Variants in KCTD10 observed in about 807,000 individuals in gnomAD.
KCTD10 encodes potassium channel tetramerization domain containing 10, also known as BTB/POZ domain-containing adapter for CUL3-mediated RhoA degradation protein 3.
Under a neutral mutation model 34.6 loss-of-function variants are expected in KCTD10, and 13 were observed. That is an observed-to-expected ratio of 0.38 (90% CI 0.24 to 0.60). The LOEUF is 0.60. Ranked by LOEUF, KCTD10 falls within the 20% of genes least tolerant of loss-of-function variation. KCTD10 has a pLI of 0.66. For synonymous variants in KCTD10, 156 were observed against 168.8 expected (o/e 0.92, Z 0.59); for missense variants, 256 against 420.3 (o/e 0.61, Z 3.42).
In KCTD10 at chr12:109,451,473, T is replaced by C; in HGVS notation, c.*122A>G. 1.1e-6 allele frequency: 1 copy of C among 937,582 alleles called. No homozygotes were observed. The highest frequency in any genetic ancestry group is 1.6e-6 in the Non-Finnish European group (1 of 632,182). 58.1% of individuals were successfully genotyped at this position (937,582 alleles called of 1,614,324 possible). Reference sequence around the variant, plus strand: ...AATACCAAAATAATCATCTGGCTTGTTACAAAAGTATCTCCAGGCTCCAAG... The same window carrying C: ...AATACCAAAATAATCATCTGGCTTGCTACAAAAGTATCTCCAGGCTCCAAG... On this transcript the variant is annotated 3_prime_UTR_variant, in exon 7 of 7. Transcript: ENST00000228495. This position sits in a 1 kb window ranked among gnomAD's most constrained non-coding sequence, Gnocchi z 5.0.
chr12:109,461,882 G>A (rs1202444930), intron 2 of KCTD10, among the ~76,000 whole-genome samples: 1 of 152,370 alleles, frequency 6.6e-6, no homozygotes, highest in East Asian at 1.9e-4. Context: ...GCGCAGGGCC[G>A]TGAGAAGGCT....
Position 109,451,551 on chromosome 12 carries a change from G to T in KCTD10, c.*44C>A. On this transcript the variant is annotated 3_prime_UTR_variant, in exon 7 of 7. Coordinates refer to ENST00000228495, the MANE Select transcript of KCTD10 (RefSeq NM_031954.5). This position sits in a 1 kb window ranked among gnomAD's most constrained non-coding sequence, Gnocchi z 5.0. ...ACAGGATCTGGGTGTAGCACGGCAG[G>T]GAGTGGGGGCGGTGAGAGGAGGGCG... 3 of 1,550,780 alleles carry T rather than the reference G, an allele frequency of 1.9e-6. No individual in the cohort carries two copies. In the South Asian group the frequency reaches 3.5e-5, roughly 18 times the overall value.
chr12:109,450,372 C>G lies in KCTD10; in HGVS notation c.*1223G>C. ...AGCAGGGGCCGCCACCTGTGCCCCACAAGCACACGTCCCCACCCACAGTCA... is the reference window on the plus strand; with the variant it reads ...AGCAGGGGCCGCCACCTGTGCCCCAGAAGCACACGTCCCCACCCACAGTCA... On this transcript the variant is annotated 3_prime_UTR_variant, in exon 7 of 7. Coordinates refer to ENST00000228495, the MANE Select transcript of KCTD10 (RefSeq NM_031954.5). 1.0e-5 allele frequency: 4 copies of G among 399,010 alleles called. No individual in the cohort carries two copies. The highest frequency in any genetic ancestry group is 1.8e-5 in the Non-Finnish European group (4 of 226,294). 24.7% of individuals were successfully genotyped at this position (399,010 alleles called of 1,614,324 possible). A position where few individuals can be genotyped will look rare whatever the true frequency, so the allele number is the denominator to read the frequency against.
chr12:109,466,788 G>T (rs1462470017), intron 2 of KCTD10, among the ~76,000 whole-genome samples: 2 of 152,254 alleles, frequency 1.3e-5, no homozygotes, highest in East Asian at 3.8e-4. Context: ...TGTACTGCTG[G>T]ATTCACTGCC....
At chr12:109,467,720 A>G (rs999009785) in intron 2 of KCTD10, among the ~76,000 whole-genome samples, 2 of 152,118 alleles carry the variant, frequency 1.3e-5, no homozygotes, top group Non-Finnish European at 2.9e-5. Context: ...AACAAGTCAC[A>G]GTTTGCAGTG....
chr12:109,457,576 G>A, intron 5 of KCTD10, 54 bp downstream of exon 5: 1 of 1,511,752 alleles, frequency 6.6e-7, no homozygotes, highest in Non-Finnish European at 9.2e-7. Context: ...CCTGGCTGGT[G>A]TGAGTGGAGG....
chr12:109,464,093 C>G (rs1384581143), intron 2 of KCTD10, among the ~76,000 whole-genome samples: 2 of 152,190 alleles, frequency 1.3e-5, no homozygotes, highest in African/African-American at 4.8e-5. Context: ...GATGTCTGAC[C>G]TCTCCTTTCC....
In KCTD10 at chr12:109,460,033, G is replaced by A. The variant is rs1414487255; in HGVS notation, c.387+603C>T. 1.3e-5 allele frequency among the ~76,000 whole-genome samples: 2 copies of A among 152,230 alleles called. No homozygotes were observed. Among genetic ancestry groups the A allele is most frequent in the Non-Finnish European group, 2.9e-5 (2 of 68,048 alleles). On this transcript the variant is annotated intron_variant, in intron 3 of 6. Transcript: ENST00000228495. This position sits in a 1 kb window ranked among gnomAD's most constrained non-coding sequence, Gnocchi z 4.5. ...AGCATTATGGGTACTGGTCCGGTGCGGGGCCAGACACAGACATGTGGTGTG... is the reference window on the plus strand; with the variant it reads ...AGCATTATGGGTACTGGTCCGGTGCAGGGCCAGACACAGACATGTGGTGTG...
chr12:109,469,147 C>T (rs893255015), intron 2 of KCTD10: 8 of 253,780 alleles, frequency 3.2e-5, no homozygotes, highest in South Asian at 5.9e-5. Flanking sequence ...CCAAAAGCTT[C>T]GGCCACTTGG....
chr12:109,469,786 T>G lies in KCTD10; in HGVS notation c.4-58A>C, dbSNP rs578068691. On this transcript the variant is annotated intron_variant, in intron 1 of 6. Transcript: ENST00000228495. ...CAGGCCTGGTTGACTGCTTTCAGCC[T>G]GTGGATTCAATCTGGCCTCCAGATG... 12 of 1,595,774 alleles carry G rather than the reference T, an allele frequency of 7.5e-6. No homozygotes were observed. The Admixed American group carries it at 1.9e-4, about 25-fold the overall frequency.
In KCTD10 at chr12:109,451,914, A is replaced by G; in HGVS notation, c.724-101T>C. On this transcript the variant is annotated intron_variant, in intron 6 of 6. Transcript: ENST00000228495. This position sits in a 1 kb window ranked among gnomAD's most constrained non-coding sequence, Gnocchi z 5.0. Reference sequence around the variant, plus strand: ...CGCCAGGCTAAATCAGGCCCCTGGGATTCTGCTGAAGGCCACCAGTATTAT... The same window carrying G: ...CGCCAGGCTAAATCAGGCCCCTGGGGTTCTGCTGAAGGCCACCAGTATTAT... The G allele has an allele frequency of 1.2e-6, 1 of 857,524 alleles. No individual in the cohort carries two copies. The highest frequency in any genetic ancestry group is 3.5e-5 in the Admixed American group (1 of 28,812). The allele number at this position is 857,524 out of a possible 1,614,324, so 53.1% of individuals were successfully genotyped here. A position where few individuals can be genotyped will look rare whatever the true frequency, so the allele number is the denominator to read the frequency against.
chr12:109,472,554 T>G (rs1361834240), intron 1 of KCTD10, among the ~76,000 whole-genome samples: 1 of 152,192 alleles, frequency 6.6e-6, no homozygotes, highest in African/African-American at 2.4e-5. Flanking sequence ...AAATAACCAT[T>G]AATAGTAAAT....
At chr12:109,470,627 A>G (rs1873839654) in intron 1 of KCTD10, 1 of 982,284 alleles carries the variant, frequency 1.0e-6, no homozygotes. Flanking sequence ...GGCTGGCCCT[A>G]CCATTCCCAT....
At chr12:109,470,669 C>T in intron 1 of KCTD10, 1 of 905,690 alleles carries the variant, frequency 1.1e-6, no homozygotes, top group Non-Finnish European at 1.3e-6. Context: ...AGCACATCAC[C>T]CTCAGACAAG....
At chr12:109,463,108 C>T (rs1367202915) in intron 2 of KCTD10, among the ~76,000 whole-genome samples, 1 of 152,160 alleles carries the variant, frequency 6.6e-6, no homozygotes, top group Non-Finnish European at 1.5e-5. Context: ...AGGAAAACTC[C>T]TTTCACCAGA....
chr12:109,460,301 G>A lies in KCTD10; in HGVS notation c.387+335C>T, dbSNP rs1873250251. The A allele has an allele frequency of 8.7e-6, 2 of 229,386 alleles. No homozygotes were observed. Among genetic ancestry groups the A allele is most frequent in the South Asian group, 1.7e-4 (2 of 11,830 alleles). The allele number at this position is 229,386 out of a possible 1,614,324, so 14.2% of individuals were successfully genotyped here. On this transcript the variant is annotated intron_variant, in intron 3 of 6. Coordinates refer to ENST00000228495, the MANE Select transcript of KCTD10 (RefSeq NM_031954.5). This position sits in a 1 kb window ranked among gnomAD's most constrained non-coding sequence, Gnocchi z 4.5. ...GAGATTATGCTGAGCTCCCAACAAT[G>A]ACTTGTGGGACTAGAGTAAGCCCTA...
chr12:109,476,364 C>A (rs367916038), intron 1 of KCTD10, among the ~76,000 whole-genome samples: 10 of 152,170 alleles, frequency 6.6e-5, no homozygotes, highest in Admixed American at 2.0e-4. Context: ...TCCCTTAAGA[C>A]TGCACTTTCC....
In KCTD10 at chr12:109,465,152, G is replaced by A. The variant is rs897628707; in HGVS notation, c.218-4347C>T. On this transcript the variant is annotated intron_variant, in intron 2 of 6. Coordinates refer to ENST00000228495, the MANE Select transcript of KCTD10 (RefSeq NM_031954.5). ...CAAGGATGTTCACATTCGTCACAGTGAACACCGCAAACCCTCTACATGATC... is the reference window on the plus strand; with the variant it reads ...CAAGGATGTTCACATTCGTCACAGTAAACACCGCAAACCCTCTACATGATC... Among the ~76,000 whole-genome samples, 9 of 151,800 alleles carry A rather than the reference G, an allele frequency of 5.9e-5. 1 individual carries two copies. The South Asian group carries it at 1.9e-3, about 32-fold the overall frequency.
chr12:109,471,171 G>A (rs1311721011), intron 1 of KCTD10: 1 of 985,254 alleles, frequency 1.0e-6, no homozygotes, highest in Non-Finnish European at 1.2e-6. Context: ...TTTCTATAAT[G>A]AATGGGTACT....
Sources: gnomAD v4.1 joint callset for allele counts (sites outside exome capture counted in the v4.1 genomes callset) on GRCh38, gnomAD v4.1.1 for gene constraint, Gnocchi (gnomAD v3.1) non-coding constraint, MANE v1.5 for transcripts, NCBI Gene and HGNC (gene_info 2026-07-23, HGNC 2026-07-21) for gene names.